Variants in GREB1 observed in about 807,000 individuals in gnomAD.
The protein encoded by GREB1 is protein GREB1.
GREB1 carries 106 observed loss-of-function variants against 200.7 expected under a neutral mutation model. That is an observed-to-expected ratio of 0.53 (90% confidence interval 0.45 to 0.62). The LOEUF is 0.62. Ranked by LOEUF, GREB1 falls within the 20% of genes least tolerant of loss-of-function variation. GREB1 has a pLI of 0.00. For synonymous variants in GREB1, 1,132 were observed against 1,092.4 expected, an observed-to-expected ratio of 1.04 and a Z score of -0.72; for missense variants, 2,243 against 2,556.8, an observed-to-expected ratio of 0.88 and a Z score of 2.65.
rs778261099 is a variant in GREB1, at chr2:11,602,438, C to T, written c.2562C>T (p.Tyr854=). 2 of 1,613,208 alleles carry T rather than the reference C, an allele frequency of 1.2e-6. No homozygotes were observed. Among genetic ancestry groups the T allele is most frequent in the Admixed American group, 1.7e-5 (1 of 60,016 alleles). Residue 854 remains tyrosine, a synonymous_variant, in exon 17 of 33, where the codon TAC becomes TAT. Transcript: ENST00000381486. ...GVDLYHENKK[Y]FGLSEFIEST... is the part of the protein sequence containing the mutation. ...ACTTATATCATGAAAATAAGAAGTA[C>T]TTCGGGCTGTCGGAGTTTATTGAAT...
intron 26 of GREB1, among the ~76,000 whole-genome samples, chr2:11,630,936 TG>T (rs1372559913): frequency 6.6e-6 from 1 of 152,178 alleles, no homozygotes; most frequent in Non-Finnish European, 1.5e-5. Flanking sequence ...TAGGCACCTG[TG>T]GAGTTGCCCC....
At chr2:11,551,315 C>CA (rs1216888305) in intron 1 of GREB1, among the ~76,000 whole-genome samples, 5 of 152,196 alleles carry the variant, frequency 3.3e-5, no homozygotes, top group Non-Finnish European at 5.9e-5. Context: ...AGAGAGTTTC[C>CA]AAGCAACTTT....
chr2:11,485,336 A>G (rs915552587), intron 1 of GREB1, among the ~76,000 whole-genome samples: 1 of 150,228 alleles, frequency 6.7e-6, no homozygotes, highest in African/African-American at 2.5e-5. Flanking sequence ...ACAGTGGCAC[A>G]ATCTCAGCTC....
intron 1 of GREB1, among the ~76,000 whole-genome samples, chr2:11,486,618 A>T (rs1672662072): frequency 6.6e-6 from 1 of 152,198 alleles, no homozygotes; most frequent in African/African-American, 2.4e-5. Context: ...CTATAATCCC[A>T]GCACTTTGGG....
chr2:11,615,923 G>A (rs146015803), intron 20 of GREB1, among the ~76,000 whole-genome samples: 2 of 152,364 alleles, frequency 1.3e-5, no homozygotes, highest in African/African-American at 4.8e-5. Flanking sequence ...GCGCGGGTCT[G>A]TGGTCTGCCT....
At position 11,637,699 on chromosome 2, in the gene GREB1, C is replaced by T. The variant is rs746795713; in HGVS notation, c.5347-17C>T. 11 of 1,610,342 alleles carry T rather than the reference C, an allele frequency of 6.8e-6. No individual in the cohort carries two copies. The highest frequency in any genetic ancestry group is 1.7e-4 in the Middle Eastern group (1 of 6,030). Reference sequence around the variant, plus strand: ...CCCTCAGGGCAGTAGTGGCCTGACACCCCCCTTCCCGTGCAGGTGTCTGAT... The same window carrying T: ...CCCTCAGGGCAGTAGTGGCCTGACATCCCCCTTCCCGTGCAGGTGTCTGAT... On this transcript the variant is annotated splice_polypyrimidine_tract_variant and intron_variant, in intron 30 of 32. Transcript: ENST00000381486.
At chr2:11,552,286 G>A (rs1177102583) in intron 1 of GREB1, among the ~76,000 whole-genome samples, 3 of 152,246 alleles carry the variant, frequency 2.0e-5, no homozygotes, top group African/African-American at 7.2e-5. Context: ...TGGATGTGAT[G>A]TGTTAGGGCG....
chr2:11,494,397 C>G (rs1421529298), intron 1 of GREB1, among the ~76,000 whole-genome samples: 4 of 152,256 alleles, frequency 2.6e-5, no homozygotes, highest in African/African-American at 7.2e-5. Flanking sequence ...CCCAGACCCT[C>G]TGAATGAGAT....
Position 11,585,888 on chromosome 2 carries a change from A to G in GREB1, c.1142A>G (p.Lys381Arg), listed in dbSNP as rs770575128. 83 of 1,613,892 alleles carry G rather than the reference A, an allele frequency of 5.1e-5. 1 individual carries two copies. In the East Asian group the frequency reaches 1.8e-3, roughly 36 times the overall value. ...AACTTGCTGAAAATATGCAAGGCCAAGCCAGTGATATTTAAAGGCAAGTAC... is the reference window on the plus strand; with the variant it reads ...AACTTGCTGAAAATATGCAAGGCCAGGCCAGTGATATTTAAAGGCAAGTAC... The part of the protein sequence containing the change: ...PDNLLKICKA[K>R]PVIFKGHGNF... The change falls in exon 9 of 33, where the codon AAG becomes AGG. Residue 381 changes from lysine (K) to arginine (R), a missense_variant. Physicochemically the swap from Lys to Arg is conservative, Grantham distance 26. Coordinates refer to ENST00000381486, the MANE Select transcript of GREB1 (RefSeq NM_014668.4).
At chr2:11,496,035 G>A (rs111322345) in intron 1 of GREB1, among the ~76,000 whole-genome samples, 3,288 of 152,252 alleles carry the variant, frequency 0.022, 118 homozygotes, top group African/African-American at 0.074. Flanking sequence ...TGGGGTTTGA[G>A]GCTGTGCCTG....
At chr2:11,528,467 C>T (rs7597563) in intron 1 of GREB1, among the ~76,000 whole-genome samples, 67,967 of 152,002 alleles carry the variant, frequency 0.45, 18,748 homozygotes, top group South Asian at 0.66. Context: ...GATTTGAGTC[C>T]CCTTTGAGTT....
At chr2:11,586,378 G>C (rs1680093878) in intron 9 of GREB1, among the ~76,000 whole-genome samples, 1 of 152,222 alleles carries the variant, frequency 6.6e-6, no homozygotes, top group South Asian at 2.1e-4. Context: ...GATAGCCGTG[G>C]TCACCACTGT....
intron 1 of GREB1, among the ~76,000 whole-genome samples, chr2:11,502,503 T>A (rs894620284): frequency 6.6e-6 from 1 of 151,930 alleles, no homozygotes; most frequent in African/African-American, 2.4e-5. Context: ...ATTCCAGGCA[T>A]GAGCCACTGT....
At chr2:11,588,032 C>A in intron 9 of GREB1, 1 of 762,348 alleles carries the variant, frequency 1.3e-6, no homozygotes, top group Non-Finnish European at 1.6e-6. Flanking sequence ...TCAAGATCAG[C>A]CTGGGCAACA....
chr2:11,578,246 G>A, intron 5 of GREB1, 51 bp from the exon 6 acceptor site: 1 of 1,583,526 alleles, frequency 6.3e-7, no homozygotes, highest in Non-Finnish European at 8.6e-7. Flanking sequence ...TCATTTCGTA[G>A]TTGTTGGAGA....
chr2:11,600,612 A>G (rs1681696935), intron 15 of GREB1, among the ~76,000 whole-genome samples, 188 bp from the exon 16 acceptor site: 1 of 152,164 alleles, frequency 6.6e-6, no homozygotes, highest in East Asian at 1.9e-4. Context: ...AACGAATCTC[A>G]GGAGAGCCCC....
At chr2:11,532,477 A>T (rs1674110342), upstream of GREB1, among the ~76,000 whole-genome samples, 1 of 152,214 alleles carries the variant, frequency 6.6e-6, no homozygotes, top group Non-Finnish European at 1.5e-5. Flanking sequence ...TTACGCCTTT[A>T]GTTTTTGTTT....
intron 1 of GREB1, among the ~76,000 whole-genome samples, chr2:11,504,933 A>G (rs142390837): frequency 6.6e-6 from 1 of 152,128 alleles, no homozygotes; most frequent in East Asian, 1.9e-4. Flanking sequence ...CTTTTCATTT[A>G]ATTTAATTTT....
rs1279783944 is a variant in GREB1 at position 11,640,664 on chromosome 2, C to T, written c.*210C>T. ...AGTGGGTGAGAATGAAAACTTGAGACTCCCAAGTTCTGGGCCAGCCCATTG... is the reference window on the plus strand; with the variant it reads ...AGTGGGTGAGAATGAAAACTTGAGATTCCCAAGTTCTGGGCCAGCCCATTG... On this transcript the variant is annotated 3_prime_UTR_variant, in exon 33 of 33. Transcript: ENST00000381486. This position sits in a 1 kb window ranked among gnomAD's most constrained non-coding sequence, Gnocchi z 4.6. The T allele has an allele frequency of 1.2e-5, 7 of 568,666 alleles. No homozygotes were observed. The East Asian group carries it at 2.1e-4, about 17-fold the overall frequency. 35.2% of individuals were successfully genotyped at this position (568,666 alleles called of 1,614,324 possible).
Sources: allele counts gnomAD v4.1 joint callset (sites outside exome capture counted in the v4.1 genomes callset), GRCh38; gene constraint gnomAD v4.1.1; non-coding constraint Gnocchi (gnomAD v3.1); transcripts MANE v1.5; gene names NCBI Gene and HGNC (gene_info 2026-07-23, HGNC 2026-07-21).